The following DGKB variants were observed in gnomAD, a reference collection of about 807,000 sequenced individuals.
DGKB encodes diacylglycerol kinase beta.
A neutral mutation model predicts 114.3 loss-of-function variants in DGKB; 67 were observed. The ratio of observed to expected loss-of-function variants is 0.59; its 90% confidence interval spans 0.48 to 0.72. The LOEUF (loss-of-function observed/expected upper bound fraction) is 0.72, where lower values mean the gene tolerates loss of function less well. Among genes scored for constraint, DGKB ranks in the 30% least tolerant of loss-of-function variants. The probability of loss-of-function intolerance (pLI) is 0.00; values close to 1 mark genes in which losing one functional copy is unlikely to be tolerated. For synonymous variants in DGKB, 398 were observed against 323.1 expected, an observed-to-expected ratio of 1.23 and a Z score of -2.49; for missense variants, 907 against 975.2, an observed-to-expected ratio of 0.93 and a Z score of 0.93.
chr7:14,391,228 T>G (rs1821255608), intron 21 of DGKB, among the ~76,000 whole-genome samples: 1 of 152,226 alleles, frequency 6.6e-6, no homozygotes, highest in Admixed American at 6.5e-5. Flanking sequence ...TTTTATCTAT[T>G]TTGGTTTTTG....
At chr7:14,228,726 C>T (rs1791226366) in intron 23 of DGKB, among the ~76,000 whole-genome samples, 1 of 151,928 alleles carries the variant, frequency 6.6e-6, no homozygotes, top group Admixed American at 6.6e-5. Flanking sequence ...GAAATTAACA[C>T]TAAGATTTTC....
At chr7:14,432,183 T>C (rs924171187) in intron 21 of DGKB, among the ~76,000 whole-genome samples, 6 of 152,226 alleles carry the variant, frequency 3.9e-5, no homozygotes, top group African/African-American at 1.4e-4. Context: ...CTGCAAAGTA[T>C]AGAAGTTGCT....
chr7:14,761,900 T>TA (rs1173223936), intron 2 of DGKB, among the ~76,000 whole-genome samples: 2 of 152,144 alleles, frequency 1.3e-5, no homozygotes, highest in Non-Finnish European at 2.9e-5. Flanking sequence ...GCTGGACAGA[T>TA]GCGCAGCACA....
intron 20 of DGKB, among the ~76,000 whole-genome samples, chr7:14,522,735 T>A (rs1037203816): frequency 6.6e-6 from 1 of 152,234 alleles, no homozygotes; most frequent in East Asian, 1.9e-4. Context: ...AAAGAATTAC[T>A]TGTTTTTGAC....
chr7:14,726,764 T>A (rs1477473569), intron 5 of DGKB, among the ~76,000 whole-genome samples: 2 of 152,252 alleles, frequency 1.3e-5, no homozygotes, highest in African/African-American at 4.8e-5. Flanking sequence ...ATGATTTTTC[T>A]TATTGCTCAT....
At position 14,866,292 on chromosome 7, in the gene DGKB, T is replaced by G. The variant is rs117142396; in HGVS notation, c.-187-24842A>C. The stretch of plus-strand genomic sequence containing the variant: ...AATCACCGAAAGTCCATAGTTTACA[T>G]TAGGATCTCTCTTGCGCATTCTATG... On this transcript the variant is annotated intron_variant, in intron 1 of 25. Transcript: ENST00000402815. Among the ~76,000 whole-genome samples, 454 of 152,260 alleles carry G rather than the reference T, an allele frequency of 3.0e-3. 10 individuals are homozygous for G. In the South Asian group the frequency reaches 0.062, roughly 21 times the overall value.
At chr7:14,521,520 G>A (rs1010983853) in intron 20 of DGKB, among the ~76,000 whole-genome samples, 6 of 151,898 alleles carry the variant, frequency 4.0e-5, no homozygotes, top group Admixed American at 6.6e-5. Flanking sequence ...TTCTGACACC[G>A]CAGACCTGCT....
intron 20 of DGKB, among the ~76,000 whole-genome samples, chr7:14,492,940 G>A (rs574996765): frequency 1.3e-5 from 2 of 152,078 alleles, no homozygotes; most frequent in East Asian, 1.9e-4. Flanking sequence ...TGCAAACATG[G>A]AACTATCCCT....
chr7:14,482,516 G>C (rs1048390479), intron 20 of DGKB, among the ~76,000 whole-genome samples: 4 of 151,984 alleles, frequency 2.6e-5, no homozygotes, highest in Non-Finnish European at 5.9e-5. Context: ...CTCAAGGAAA[G>C]ATAAATTAAC....
At chr7:14,223,691 A>G (rs772210345) in intron 23 of DGKB, among the ~76,000 whole-genome samples, 4 of 151,814 alleles carry the variant, frequency 2.6e-5, no homozygotes, top group Non-Finnish European at 5.9e-5. Context: ...TGAGTGAGTT[A>G]GCAACAAATT....
chr7:14,474,779 C>T (rs1584236726), intron 21 of DGKB, among the ~76,000 whole-genome samples: 1 of 149,968 alleles, frequency 6.7e-6, no homozygotes, highest in Non-Finnish European at 1.5e-5. Flanking sequence ...TTTTAAATAC[C>T]AATATTATGT....
chr7:14,960,929 G>A (rs1209384841), intron 1 of DGKB, among the ~76,000 whole-genome samples: 3 of 151,982 alleles, frequency 2.0e-5, no homozygotes, highest in African/African-American at 7.2e-5. Flanking sequence ...GGGCGTGGGC[G>A]GAGGGCTTAG....
intron 20 of DGKB, among the ~76,000 whole-genome samples, chr7:14,515,395 G>A (rs1483059141): frequency 6.6e-6 from 1 of 152,144 alleles, no homozygotes; most frequent in African/African-American, 2.4e-5. Context: ...CATTGAGATG[G>A]ATTGTATCTC....
chr7:14,645,144 C>T (rs541094604), intron 13 of DGKB, among the ~76,000 whole-genome samples: 46 of 152,116 alleles, frequency 3.0e-4, no homozygotes, highest in South Asian at 6.2e-4. Context: ...ATGCATTCCC[C>T]GATTCTAAGC....
intron 24 of DGKB, 54 bp from the exon 25 acceptor site, chr7:14,176,953 A>G (rs1225335802): frequency 6.1e-5 from 98 of 1,605,236 alleles, no homozygotes; most frequent in Non-Finnish European, 8.1e-5. Flanking sequence ...TATATTACAG[A>G]CTATATGTGA....
At chr7:14,343,804 T>C (rs1318685771) in intron 22 of DGKB, among the ~76,000 whole-genome samples, 3 of 150,408 alleles carry the variant, frequency 2.0e-5, no homozygotes, top group Non-Finnish European at 4.4e-5. Context: ...TAAAGGGGTA[T>C]GTATATGTTT....
At chr7:14,196,754 A>G (rs1785077085) in intron 23 of DGKB, among the ~76,000 whole-genome samples, 1 of 151,954 alleles carries the variant, frequency 6.6e-6, no homozygotes, top group South Asian at 2.1e-4. Flanking sequence ...TCACCTTATG[A>G]CTCATATTAA....
At chr7:14,929,158 T>C (rs534953263) in intron 1 of DGKB, among the ~76,000 whole-genome samples, 15 of 152,162 alleles carry the variant, frequency 9.9e-5, no homozygotes, top group African/African-American at 3.4e-4. Context: ...GTTGATTCCA[T>C]AGCTTTGCTC....
intron 21 of DGKB, among the ~76,000 whole-genome samples, chr7:14,474,223 A>G (rs184412647): frequency 6.6e-6 from 1 of 152,264 alleles, no homozygotes; most frequent in African/African-American, 2.4e-5. Context: ...TGTTCTTATG[A>G]TAGTGAGTAA....
Sources: allele counts gnomAD v4.1 joint callset (sites outside exome capture counted in the v4.1 genomes callset), GRCh38; gene constraint gnomAD v4.1.1; transcripts MANE v1.5; gene names NCBI Gene and HGNC (gene_info 2026-07-23, HGNC 2026-07-21).